Variants in STAT5B observed in about 807,000 individuals in gnomAD.
STAT5B encodes signal transducer and activator of transcription 5B, also known as transcription factor STAT5B.
STAT5B carries 21 observed loss-of-function variants against 107.8 expected under a neutral mutation model. That is an observed-to-expected ratio of 0.19 (90% CI 0.14 to 0.28). The LOEUF (loss-of-function observed/expected upper bound fraction) is 0.28. Among genes scored for constraint, STAT5B ranks in the 10% least tolerant of loss-of-function variants. STAT5B has a pLI of 1.00. For missense variants in STAT5B, 565 were observed against 1,008.2 expected (o/e 0.56, Z 5.95); for synonymous variants, 325 against 401.7 (o/e 0.81, Z 2.28).
intron 12 of STAT5B, 103 bp downstream of exon 12, chr17:42,215,911 T>C: frequency 7.6e-7 from 1 of 1,315,748 alleles, no homozygotes; most frequent in Non-Finnish European, 1.1e-6. Context: ...TGTGAGTCAC[T>C]GCACCCGGCC....
upstream of STAT5B, among the ~76,000 whole-genome samples, chr17:42,279,190 GA>G (rs59058357): frequency 0.018 from 2,236 of 121,228 alleles, 52 homozygotes; most frequent in African/African-American, 0.06. Context: ...CTCAAAAAAA[GA>G]AAAAAAAAAA....
intron 1 of STAT5B, among the ~76,000 whole-genome samples, chr17:42,248,114 A>AT (rs2080467310): frequency 6.6e-6 from 1 of 151,920 alleles, no homozygotes; most frequent in South Asian, 2.1e-4. Flanking sequence ...CCATCTCTAC[A>AT]AAAAATTTAC....
intron 1 of STAT5B, among the ~76,000 whole-genome samples, chr17:42,232,495 C>T (rs1325002339): frequency 6.6e-6 from 1 of 152,012 alleles, no homozygotes; most frequent in Admixed American, 6.6e-5. Flanking sequence ...GTGATCCTCC[C>T]ACCTCAGCCT....
At chr17:42,210,048 C>CA in intron 15 of STAT5B, 123 bp downstream of exon 15, 1 of 1,428,364 alleles carries the variant, frequency 7.0e-7, no homozygotes, top group South Asian at 1.2e-5. Flanking sequence ...CATGGCTATA[C>CA]ATTTATGTTT....
At chr17:42,210,358 A>G in intron 14 of STAT5B, 45 bp downstream of exon 14, 2 of 1,614,222 alleles carry the variant, frequency 1.2e-6, no homozygotes, top group South Asian at 2.2e-5. Context: ...GCCAGAGAGA[A>G]GACCTTCAGA....
chr17:42,257,878 G>A (rs2080560111), intron 1 of STAT5B, among the ~76,000 whole-genome samples: 1 of 152,172 alleles, frequency 6.6e-6, no homozygotes, highest in South Asian at 2.1e-4. Flanking sequence ...AAATGTCCAT[G>A]TGTTTCTTAA....
intron 1 of STAT5B, among the ~76,000 whole-genome samples, chr17:42,253,142 T>C (rs1381541909): frequency 1.3e-5 from 2 of 152,182 alleles, no homozygotes; most frequent in Non-Finnish European, 2.9e-5. Context: ...CTTTCTTTTT[T>C]TCATCTCTGT....
chr17:42,275,786 C>T (rs1196028950), intron 1 of STAT5B, among the ~76,000 whole-genome samples: 1 of 152,048 alleles, frequency 6.6e-6, no homozygotes, highest in South Asian at 2.1e-4. Flanking sequence ...CCGCACCAGG[C>T]ACCCCCGCAG....
chr17:42,221,920 GTGTC>G (rs200605998), intron 5 of STAT5B, among the ~76,000 whole-genome samples: 2,032 of 150,938 alleles, frequency 0.013, 55 homozygotes, highest in African/African-American at 0.048. Context: ...TGTGTGCTGT[GTGTC>G]TATGTGTGTG....
At chr17:42,222,099 CTGTG>C (rs2080233682) in intron 5 of STAT5B, among the ~76,000 whole-genome samples, 1 of 111,988 alleles carries the variant, frequency 8.9e-6, no homozygotes, top group South Asian at 2.9e-4. Context: ...TGTGTGTGCA[CTGTG>C]TGTCTCTGTG....
chr17:42,207,864 G>A (rs1763707556), intron 15 of STAT5B, 136 bp from the exon 16 acceptor site: 2 of 861,032 alleles, frequency 2.3e-6, no homozygotes, highest in Non-Finnish European at 1.8e-6. Flanking sequence ...AATAACCATG[G>A]GTTATAGATG....
At chr17:42,210,535 A>C in intron 13 of STAT5B, 38 bp from the exon 14 acceptor site, 1 of 1,533,918 alleles carries the variant, frequency 6.5e-7, no homozygotes, top group Non-Finnish European at 9.0e-7. Context: ...AGAACACCAG[A>C]GTAACACTTG....
At chr17:42,229,740 G>A (rs549793236) in intron 2 of STAT5B, among the ~76,000 whole-genome samples, 9 of 151,512 alleles carry the variant, frequency 5.9e-5, no homozygotes, top group South Asian at 4.2e-4. Flanking sequence ...GTGTGGTGGC[G>A]GGCACCTGCA....
intron 2 of STAT5B, among the ~76,000 whole-genome samples, chr17:42,228,049 TTTATAG>T (rs1567664102): frequency 1.3e-5 from 2 of 152,158 alleles, no homozygotes; most frequent in Non-Finnish European, 2.9e-5. Flanking sequence ...TAATTTCCTA[TTTATAG>T]TTACCCCTCA....
chr17:42,287,265 G>C, the STAT5B span, among the ~76,000 whole-genome samples: 1 of 151,940 alleles, frequency 6.6e-6, no homozygotes, highest in Non-Finnish European at 1.5e-5. Flanking sequence ...CAAGAAAGGA[G>C]AGTGGAAATG....
chr17:42,207,698 A>C lies in STAT5B; in HGVS notation c.1937T>G (p.Phe646Cys). The C allele has an allele frequency of 6.2e-7, 1 of 1,614,164 alleles. No homozygotes were observed. Among genetic ancestry groups the C allele is most frequent in the Non-Finnish European group, 8.5e-7 (1 of 1,180,028 alleles). Residue 646 changes from phenylalanine to cysteine, a missense_variant, in exon 16 of 19, where the codon TTT becomes TGT. Coordinates refer to ENST00000293328, the MANE Select transcript of STAT5B (RefSeq NM_012448.4). ...CCGAATGGAGAAGTCTCTGGTGGTA[A>C]AAGGCATCAGATTCCAAAACATTCT... ...QERMFWNLMP[F>C]TTRDFSIRSL...
intron 1 of STAT5B, among the ~76,000 whole-genome samples, chr17:42,245,323 A>C (rs2080442294): frequency 6.6e-6 from 1 of 150,940 alleles, no homozygotes. Flanking sequence ...TGATCCGCCC[A>C]CCTTGGCCTC....
chr17:42,279,604 G>A (rs1438427643), upstream of STAT5B, among the ~76,000 whole-genome samples: 3 of 152,036 alleles, frequency 2.0e-5, no homozygotes, highest in Non-Finnish European at 4.4e-5. Context: ...CCTAACCAAC[G>A]TGGAGAAACC....
chr17:42,230,603 CT>C (rs796780730), intron 2 of STAT5B, among the ~76,000 whole-genome samples: 23 of 152,046 alleles, frequency 1.5e-4, no homozygotes, highest in African/African-American at 4.8e-4. Flanking sequence ...AATTAAAATG[CT>C]TATCAAATCT....
Sources: allele counts gnomAD v4.1 joint callset (sites outside exome capture counted in the v4.1 genomes callset), GRCh38; gene constraint gnomAD v4.1.1; transcripts MANE v1.5; gene names NCBI Gene and HGNC (gene_info 2026-07-23, HGNC 2026-07-21).